ARID1B: variants seen among roughly 807,000 people sequenced by gnomAD.
The protein encoded by ARID1B is AT-rich interaction domain 1B.
Under a neutral mutation model 212.3 loss-of-function variants are expected in ARID1B, and 30 were observed. The observed-to-expected ratio is 0.14, with a 90% confidence interval of 0.11 to 0.19. ARID1B has a LOEUF of 0.19. Ranked by LOEUF, ARID1B falls within the 10% of genes least tolerant of loss-of-function variation. The pLI, the probability that ARID1B is intolerant of heterozygous loss-of-function variation, is 1.00. For synonymous variants in ARID1B, 1,402 were observed against 1,301.7 expected (o/e 1.08, Z -1.66); for missense variants, 2,891 against 3,204.0 (o/e 0.90, Z 2.36).
At chr6:156,873,096 C>T (rs571507757) in intron 2 of ARID1B, among the ~76,000 whole-genome samples, 5 of 152,292 alleles carry the variant, frequency 3.3e-5, no homozygotes, top group African/African-American at 1.2e-4. Flanking sequence ...CCTACAAGCA[C>T]GCCAGCAGCC....
chr6:156,922,936 G>T (rs1008634914), intron 3 of ARID1B, among the ~76,000 whole-genome samples: 2 of 152,206 alleles, frequency 1.3e-5, no homozygotes, highest in Non-Finnish European at 2.9e-5. Context: ...CAGGTCTGTG[G>T]CTCGTGTGCC....
intron 1 of ARID1B, among the ~76,000 whole-genome samples, chr6:156,804,004 C>T (rs1003796040): frequency 4.6e-5 from 7 of 152,050 alleles, no homozygotes; most frequent in Non-Finnish European, 1.0e-4. Flanking sequence ...GTAGTTGTAA[C>T]GTTGAATTGC....
intron 7 of ARID1B, among the ~76,000 whole-genome samples, chr6:157,147,012 T>C (rs1174939736): frequency 2.0e-5 from 3 of 152,122 alleles, no homozygotes; most frequent in Admixed American, 1.3e-4. Flanking sequence ...CTATATTTCA[T>C]GTGGTTATTG....
At chr6:156,992,973 G>C (rs942324285) in intron 4 of ARID1B, among the ~76,000 whole-genome samples, 5 of 151,632 alleles carry the variant, frequency 3.3e-5, no homozygotes, top group African/African-American at 1.2e-4. Flanking sequence ...CTAAAATTCA[G>C]ATGCCTTCTG....
chr6:156,904,426 G>C (rs1437215778), intron 3 of ARID1B, among the ~76,000 whole-genome samples: 1 of 152,180 alleles, frequency 6.6e-6, no homozygotes, highest in Non-Finnish European at 1.5e-5. Flanking sequence ...TATTTGAATT[G>C]AAACAATGAT....
intron 4 of ARID1B, among the ~76,000 whole-genome samples, chr6:156,959,517 C>T (rs1794209990): frequency 1.3e-5 from 2 of 152,098 alleles, no homozygotes; most frequent in Admixed American, 1.3e-4. Flanking sequence ...CTGTTCAAAA[C>T]GTCTTGCTTA....
At chr6:157,052,011 A>G (rs1346562063) in intron 4 of ARID1B, among the ~76,000 whole-genome samples, 2 of 152,210 alleles carry the variant, frequency 1.3e-5, no homozygotes, top group Non-Finnish European at 2.9e-5. Flanking sequence ...AAATGCCACC[A>G]GAACAGCAGT....
intron 5 of ARID1B, among the ~76,000 whole-genome samples, chr6:157,100,037 C>T (rs569405334): frequency 6.6e-6 from 1 of 152,276 alleles, no homozygotes; most frequent in South Asian, 2.1e-4. Flanking sequence ...TTTGAATGAA[C>T]TTTCGAGCTG....
intron 4 of ARID1B, chr6:156,941,063 C>A (rs1041666149): frequency 6.6e-6 from 1 of 152,104 alleles, no homozygotes; most frequent in Non-Finnish European, 1.5e-5. Flanking sequence ...TCCTTATGAA[C>A]ATTAAAAAAA....
chr6:156,798,016 T>G (rs957543849), intron 1 of ARID1B, among the ~76,000 whole-genome samples: 1 of 152,218 alleles, frequency 6.6e-6, no homozygotes, highest in African/African-American at 2.4e-5. Context: ...TGTGGTCATT[T>G]CGTCACTGGT....
At chr6:157,031,840 G>A (rs1781033284) in intron 4 of ARID1B, among the ~76,000 whole-genome samples, 1 of 151,544 alleles carries the variant, frequency 6.6e-6, no homozygotes, top group African/African-American at 2.4e-5. Flanking sequence ...TGCCCAGGCT[G>A]GATGGAGTGC....
chr6:156,871,704 A>G (rs921200091), intron 2 of ARID1B: 7 of 1,590,970 alleles, frequency 4.4e-6, no homozygotes, highest in African/African-American at 1.3e-5. Flanking sequence ...GGGACAGCAT[A>G]TGACAGTGGG....
chr6:156,983,201 C>T (rs1777718189), intron 4 of ARID1B, among the ~76,000 whole-genome samples: 2 of 152,026 alleles, frequency 1.3e-5, no homozygotes, highest in South Asian at 4.2e-4. Context: ...TCAAGACCAG[C>T]CTGACCAAGA....
intron 2 of ARID1B, among the ~76,000 whole-genome samples, chr6:156,835,239 C>CAAAAAA (rs58070286): frequency 1.9e-5 from 2 of 107,624 alleles, no homozygotes; most frequent in African/African-American, 3.6e-5. Context: ...GACTCTGTCA[C>CAAAAAA]AAAAAAAAAA....
chr6:157,132,346 T>C (rs553199890), intron 6 of ARID1B, among the ~76,000 whole-genome samples: 1 of 152,236 alleles, frequency 6.6e-6, no homozygotes, highest in East Asian at 1.9e-4. Context: ...CAGAGGTAGA[T>C]AAGTCTCAAG....
At chr6:157,098,776 G>A (rs1414540301) in intron 5 of ARID1B, among the ~76,000 whole-genome samples, 2 of 152,162 alleles carry the variant, frequency 1.3e-5, no homozygotes, top group Non-Finnish European at 2.9e-5. Context: ...GGTCCTGAGT[G>A]GAGTGGCAAG....
intron 4 of ARID1B, among the ~76,000 whole-genome samples, chr6:156,956,305 C>G (rs1793976322): frequency 6.6e-6 from 1 of 152,156 alleles, no homozygotes. Flanking sequence ...TTCTTACCCC[C>G]ACCCTTCTCT....
At chr6:157,167,792 G>A (rs929192961) in intron 9 of ARID1B, 1 of 152,438 alleles carries the variant, frequency 6.6e-6, no homozygotes, top group Non-Finnish European at 1.5e-5. Context: ...AGTAGCCAAT[G>A]TGTGGAAAAT....
chr6:156,941,578 G>A (rs1792679573), intron 4 of ARID1B: 1 of 152,114 alleles, frequency 6.6e-6, no homozygotes, highest in Non-Finnish European at 1.5e-5. Context: ...TTTCCAAAAT[G>A]GATTATTTCT....
Sources: allele counts gnomAD v4.1 joint callset (sites outside exome capture counted in the v4.1 genomes callset), GRCh38; gene constraint gnomAD v4.1.1; transcripts MANE v1.5; gene names NCBI Gene and HGNC (gene_info 2026-07-23, HGNC 2026-07-21).